The following ATP1B3 variants were observed in gnomAD, a reference collection of about 807,000 sequenced individuals.
ATP1B3 encodes ATPase Na+/K+ transporting subunit beta 3.
A neutral mutation model predicts 30.2 loss-of-function variants in ATP1B3; 10 were observed. The observed-to-expected ratio is 0.33, with a 90% CI of 0.20 to 0.56. ATP1B3 has a LOEUF of 0.56. ATP1B3 is among the 20% of genes least tolerant of loss of function. The pLI is 0.90. For synonymous variants in ATP1B3, 113 were observed against 117.0 expected (o/e 0.97, Z 0.22); for missense variants, 238 against 336.7 (o/e 0.71, Z 2.29).
intron 5 of ATP1B3, chr3:141,916,476 C>A (rs763025166): frequency 9.6e-7 from 1 of 1,044,454 alleles, no homozygotes; most frequent in Non-Finnish European, 1.3e-6. Context: ...TCCCTACTTA[C>A]TTTTTTTTCC....
At chr3:141,890,285 C>CTTTTTTTTT (rs775182342) in intron 1 of ATP1B3, among the ~76,000 whole-genome samples, 2 of 28,568 alleles carry the variant, frequency 7.0e-5, no homozygotes, top group Non-Finnish European at 1.2e-4. Flanking sequence ...TTTTGTGGGG[C>CTTTTTTTTT]TTTTTTTTTT....
chr3:141,889,260 A>G (rs1268146785), intron 1 of ATP1B3, among the ~76,000 whole-genome samples: 1 of 152,164 alleles, frequency 6.6e-6, no homozygotes, highest in African/African-American at 2.4e-5. Flanking sequence ...GTGACAAATC[A>G]TATCACATAA....
intron 2 of ATP1B3, among the ~76,000 whole-genome samples, chr3:141,904,703 CTT>C (rs35178202): frequency 0.21 from 18,229 of 88,456 alleles, 678 homozygotes; most frequent in African/African-American, 0.24. Context: ...TTTAAACAGT[CTT>C]TTTTTTTTTT....
intron 3 of ATP1B3, among the ~76,000 whole-genome samples, chr3:141,912,756 C>T (rs1280651633): frequency 6.6e-6 from 1 of 152,194 alleles, no homozygotes; most frequent in Admixed American, 6.5e-5. Flanking sequence ...AACACTGTGC[C>T]AAGTACGGAG....
chr3:141,883,650 C>G (rs557883042), intron 1 of ATP1B3, among the ~76,000 whole-genome samples: 36 of 152,298 alleles, frequency 2.4e-4, no homozygotes, highest in Non-Finnish European at 4.1e-4. Flanking sequence ...GATTCTCTAA[C>G]CCCTGGCCTG....
rs1934277915 is a variant in ATP1B3, at chr3:141,907,174, G to T, written c.246G>T (p.Met82Ile). The stretch of plus-strand genomic sequence containing the variant: ...CCTTTTATGTCTTTATAGGACTCAT[G>T]GTTTTTCCAAAACCAGTGACCGCAT... The part of the protein sequence containing the change: ...YRDQIPSPGL[M>I]VFPKPVTALE... The change falls in exon 3 of 7, where the codon ATG (methionine) becomes ATT (isoleucine). Residue 82 changes from methionine (M) to isoleucine (I), a missense_variant. Met to Ile is a conservative substitution (Grantham distance 10). Transcript: ENST00000286371. 1 of 1,608,342 alleles carries T rather than the reference G, an allele frequency of 6.2e-7. No individual in the cohort carries two copies. Among genetic ancestry groups the T allele is most frequent in the Non-Finnish European group, 8.5e-7 (1 of 1,177,280 alleles).
intron 4 of ATP1B3, 130 bp downstream of exon 4, chr3:141,913,966 C>T: frequency 2.4e-6 from 2 of 829,752 alleles, no homozygotes; most frequent in South Asian, 4.3e-5. Context: ...GGGTAGCTTG[C>T]TTTAAAGACT....
At chr3:141,878,389 A>G (rs899151727) in intron 1 of ATP1B3, among the ~76,000 whole-genome samples, 1 of 152,250 alleles carries the variant, frequency 6.6e-6, no homozygotes, top group African/African-American at 2.4e-5. Flanking sequence ...ATGAACATTT[A>G]TAAAGCTTAA....
chr3:141,904,718 T>C (rs1197434731), intron 2 of ATP1B3, among the ~76,000 whole-genome samples: 2 of 146,218 alleles, frequency 1.4e-5, no homozygotes, highest in African/African-American at 5.1e-5. Context: ...TTTTTTTTTT[T>C]TTTTTTTTGA....
At chr3:141,892,651 C>CAA (rs386398103) in intron 1 of ATP1B3, among the ~76,000 whole-genome samples, 5,314 of 69,702 alleles carry the variant, frequency 0.076, 650 homozygotes, top group East Asian at 0.25. Flanking sequence ...GAGACTGTCT[C>CAA]AAAAAAAAAA....
chr3:141,903,702 T>C lies in ATP1B3; in HGVS notation c.192T>C (p.Thr64=). The change falls in exon 2 of 7, where the codon ACT becomes ACC. Residue 64 remains threonine, a synonymous_variant. Coordinates refer to ENST00000286371, the MANE Select transcript of ATP1B3 (RefSeq NM_001679.4). ...TCACGATGTGGGTTATGCTTCAGAC[T>C]CTCAACGATGAGGTTCCAAAATACC... ...FSFTMWVMLQ[T]LNDEVPKYRD... is the part of the protein sequence containing the mutation. 1 of 1,614,178 alleles carries C rather than the reference T, an allele frequency of 6.2e-7. No homozygotes were observed. Among genetic ancestry groups the C allele is most frequent in the Non-Finnish European group, 8.5e-7 (1 of 1,180,016 alleles).
intron 3 of ATP1B3, among the ~76,000 whole-genome samples, chr3:141,911,312 G>A (rs1030439846): frequency 3.9e-5 from 6 of 152,014 alleles, no homozygotes; most frequent in Non-Finnish European, 5.9e-5. Context: ...TAAAACGTTC[G>A]ACTGCTGTCA....
chr3:141,912,933 G>A lies in ATP1B3; in HGVS notation c.347-719G>A, dbSNP rs536840266. On this transcript the variant is annotated intron_variant, in intron 3 of 6. Transcript: ENST00000286371. ...TTAATAGTCTCCTAACTTGTTTTCC[G>A]GATCCTTTCTTTTTCCCTTCTGGAC... Among the ~76,000 whole-genome samples the A allele has an allele frequency of 4.6e-5, 7 of 152,076 alleles. No homozygotes were observed. In the South Asian group the frequency reaches 1.0e-3, roughly 23 times the overall value.
At chr3:141,925,398 A>G (rs1016083626) in intron 6 of ATP1B3, 133 bp from the exon 7 acceptor site, 4 of 885,556 alleles carry the variant, frequency 4.5e-6, no homozygotes, top group Non-Finnish European at 6.7e-6. Context: ...TCAATGAGCC[A>G]TAATTGCACC....
At chr3:141,882,026 G>A (rs2107926731) in intron 1 of ATP1B3, among the ~76,000 whole-genome samples, 1 of 152,252 alleles carries the variant, frequency 6.6e-6, no homozygotes, top group Non-Finnish European at 1.5e-5. Context: ...TTATTAAAGA[G>A]CCTCTCCCCA....
At chr3:141,903,770 CTTTGTTT>C (rs747170786) in intron 2 of ATP1B3, 22 bp downstream of exon 2, 24 of 1,602,154 alleles carry the variant, frequency 1.5e-5, no homozygotes, top group Middle Eastern at 1.7e-4. Context: ...GCAGTTATGA[CTTTGTTT>C]TTTGTTTTTT....
chr3:141,917,259 G>A (rs1487866837), intron 5 of ATP1B3, among the ~76,000 whole-genome samples: 1 of 152,050 alleles, frequency 6.6e-6, no homozygotes, highest in Non-Finnish European at 1.5e-5. Flanking sequence ...AATTTTTTAA[G>A]AGCATTTATT....
chr3:141,892,138 A>C (rs1166211879), intron 1 of ATP1B3, among the ~76,000 whole-genome samples: 1 of 152,128 alleles, frequency 6.6e-6, no homozygotes, highest in African/African-American at 2.4e-5. Flanking sequence ...GGTGAATTTT[A>C]TAACTCTGCT....
At chr3:141,885,537 C>T (rs1933812543) in intron 1 of ATP1B3, among the ~76,000 whole-genome samples, 2 of 152,172 alleles carry the variant, frequency 1.3e-5, no homozygotes, top group South Asian at 4.1e-4. Context: ...CAACCTCCGC[C>T]TCCCAGGTTT....
Sources: allele counts gnomAD v4.1 joint callset (sites outside exome capture counted in the v4.1 genomes callset), GRCh38; gene constraint gnomAD v4.1.1; transcripts MANE v1.5; gene names NCBI Gene and HGNC (gene_info 2026-07-23, HGNC 2026-07-21).